The following TMEM132C variants were observed in gnomAD, a reference collection of about 807,000 sequenced individuals.
TMEM132C encodes protein phosphatase 1, regulatory subunit 152.
Under a neutral mutation model 61.4 loss-of-function variants are expected in TMEM132C, and 29 were observed. The observed-to-expected ratio is 0.47, with a 90% CI of 0.35 to 0.64. The LOEUF is 0.64. Among genes scored for constraint, TMEM132C ranks in the 30% least tolerant of loss-of-function variants. The pLI is 0.00. For missense variants in TMEM132C, 1,408 were observed against 1,476.9 expected (o/e 0.95, Z 0.76); for synonymous variants, 656 against 633.1 (o/e 1.04, Z -0.54).
chr12:128,412,043 G>A (rs945170979), intron 1 of TMEM132C, among the ~76,000 whole-genome samples: 8 of 152,184 alleles, frequency 5.3e-5, no homozygotes, highest in Non-Finnish European at 1.2e-4. Context: ...TTCAATGTTT[G>A]TCTATGATTC....
intron 1 of TMEM132C, among the ~76,000 whole-genome samples, chr12:128,298,175 A>G (rs1566047215): frequency 6.6e-6 from 1 of 152,166 alleles, no homozygotes; most frequent in East Asian, 1.9e-4. Context: ...ACATCTAATC[A>G]TGTTATTCCC....
At chr12:128,324,984 A>G (rs1048503275) in intron 1 of TMEM132C, among the ~76,000 whole-genome samples, 4 of 152,208 alleles carry the variant, frequency 2.6e-5, no homozygotes. Context: ...ACAATCTTAC[A>G]TATAAGTCAT....
intron 1 of TMEM132C, among the ~76,000 whole-genome samples, chr12:128,403,636 C>T (rs567315782): frequency 1.2e-4 from 18 of 152,232 alleles, no homozygotes; most frequent in Admixed American, 7.8e-4. Flanking sequence ...TTAAGTGAGG[C>T]GGTCTTATGT....
intron 1 of TMEM132C, among the ~76,000 whole-genome samples, chr12:128,295,007 A>T (rs927564990): frequency 6.6e-6 from 1 of 150,376 alleles, no homozygotes; most frequent in Non-Finnish European, 1.5e-5. Flanking sequence ...AGATAGGTAG[A>T]TAGATAAGAA....
At chr12:128,498,362 G>T (rs558071207) in intron 2 of TMEM132C, among the ~76,000 whole-genome samples, 1 of 144,212 alleles carries the variant, frequency 6.9e-6, no homozygotes, top group African/African-American at 2.5e-5. Flanking sequence ...TGCCAATGAC[G>T]TGATGTTCTA....
intron 2 of TMEM132C, among the ~76,000 whole-genome samples, chr12:128,452,285 A>G (rs1358337804): frequency 6.6e-6 from 1 of 151,716 alleles, no homozygotes; most frequent in African/African-American, 2.4e-5. Flanking sequence ...TTTTTTAGAG[A>G]CAGGGTTTTG....
chr12:128,325,150 T>C (rs796098365), intron 1 of TMEM132C, among the ~76,000 whole-genome samples: 15 of 152,330 alleles, frequency 9.8e-5, no homozygotes, highest in African/African-American at 3.6e-4. Context: ...AAATAAGTCC[T>C]GCTTTAGTGC....
chr12:128,518,420 C>T (rs1395699067), intron 2 of TMEM132C, among the ~76,000 whole-genome samples: 1 of 152,174 alleles, frequency 6.6e-6, no homozygotes, highest in Non-Finnish European at 1.5e-5. Flanking sequence ...TGCCCTGTGG[C>T]TTGCTGGTTT....
chr12:128,327,362 GT>G (rs1310103579), intron 1 of TMEM132C, among the ~76,000 whole-genome samples: 2 of 97,396 alleles, frequency 2.1e-5, no homozygotes, highest in African/African-American at 1.4e-4. Flanking sequence ...GCGCAGCTTG[GT>G]TTGTTTGTTT....
At chr12:128,604,804 T>TGATG (rs141580872) in intron 3 of TMEM132C, among the ~76,000 whole-genome samples, 43 of 151,012 alleles carry the variant, frequency 2.8e-4, no homozygotes, top group East Asian at 2.4e-3. Flanking sequence ...AGTAGATAGA[T>TGATG]GATGGATGGA....
In TMEM132C at chr12:128,310,714, G is replaced by A. The variant is rs569465991; in HGVS notation, c.85+43227G>A. ...TCACATTTCAACATGAGATTTGGGT[G>A]GGGACAGACATGCAAGCTATATCTA... On this transcript the variant is annotated intron_variant, in intron 1 of 8. Coordinates refer to ENST00000435159, the MANE Select transcript of TMEM132C (RefSeq NM_001136103.3). Among the ~76,000 whole-genome samples the A allele has an allele frequency of 1.6e-3, 241 of 152,244 alleles. 1 individual carries two copies. Among genetic ancestry groups the A allele is most frequent in the Middle Eastern group, 6.8e-3 (2 of 294 alleles).
chr12:128,691,193 A>T (rs917878651), intron 5 of TMEM132C, among the ~76,000 whole-genome samples: 2 of 152,244 alleles, frequency 1.3e-5, no homozygotes, highest in South Asian at 4.1e-4. Context: ...TTTCTCCAGC[A>T]AGAATTAGCT....
At chr12:128,469,498 G>A (rs962012672) in intron 2 of TMEM132C, among the ~76,000 whole-genome samples, 2 of 151,778 alleles carry the variant, frequency 1.3e-5, no homozygotes, top group South Asian at 2.1e-4. Context: ...TGTATGTTTG[G>A]TAGAGACAGG....
At chr12:128,424,693 A>T (rs1869118841) in intron 2 of TMEM132C, among the ~76,000 whole-genome samples, 1 of 152,234 alleles carries the variant, frequency 6.6e-6, no homozygotes, top group South Asian at 2.1e-4. Flanking sequence ...CTAAATACTG[A>T]ATTGTATACT....
At chr12:128,396,101 T>C (rs967351317) in intron 1 of TMEM132C, among the ~76,000 whole-genome samples, 18 of 152,158 alleles carry the variant, frequency 1.2e-4, no homozygotes, top group Admixed American at 6.5e-5. Flanking sequence ...TTGAATAAGC[T>C]CTGGGTAGTG....
chr12:128,340,524 C>G (rs1872922952), intron 1 of TMEM132C, among the ~76,000 whole-genome samples: 1 of 149,776 alleles, frequency 6.7e-6, no homozygotes, highest in Non-Finnish European at 1.5e-5. Context: ...AGAGCAAAGA[C>G]CCAGTATATT....
At chr12:128,572,164 C>CT (rs752550171) in intron 3 of TMEM132C, among the ~76,000 whole-genome samples, 28 of 151,932 alleles carry the variant, frequency 1.8e-4, no homozygotes, top group Admixed American at 7.2e-4. Flanking sequence ...CTGCTGATCT[C>CT]TGATTAGCCA....
intron 2 of TMEM132C, among the ~76,000 whole-genome samples, chr12:128,441,616 T>C (rs961623052): frequency 6.6e-6 from 1 of 152,194 alleles, no homozygotes; most frequent in Non-Finnish European, 1.5e-5. Flanking sequence ...GGTAGCTTAT[T>C]CTCAATGTCT....
In TMEM132C at chr12:128,414,870, C is replaced by G; in HGVS notation, c.224C>G (p.Ser75Cys). Residue 75 changes from serine (S) to cysteine (C), a missense_variant, in exon 2 of 9, where the codon TCC becomes TGC. Ser to Cys is a moderately radical substitution (Grantham distance 112). Coordinates refer to ENST00000435159, the MANE Select transcript of TMEM132C (RefSeq NM_001136103.3). ...GCCAACCAGGACCTGCTGCGGAACTCCAGCCTGCAGGCGAGGGTGGAGTCC... is the reference window on the plus strand; with the variant it reads ...GCCAACCAGGACCTGCTGCGGAACTGCAGCCTGCAGGCGAGGGTGGAGTCC... The part of the protein sequence containing the change: ...KEANQDLLRN[S>C]SLQARVESFF... The G allele has an allele frequency of 1.9e-6, 3 of 1,551,472 alleles. No individual in the cohort carries two copies. Among genetic ancestry groups the G allele is most frequent in the Non-Finnish European group, 2.6e-6 (3 of 1,147,146 alleles).
Sources: gnomAD v4.1 joint callset for allele counts (sites outside exome capture counted in the v4.1 genomes callset) on GRCh38, gnomAD v4.1.1 for gene constraint, MANE v1.5 for transcripts, NCBI Gene and HGNC (gene_info 2026-07-23, HGNC 2026-07-21) for gene names.